SLC35A3: variants seen among roughly 807,000 people sequenced by gnomAD.
The protein encoded by SLC35A3 is solute carrier family 35 member A3, also known as UDP-N-acetylglucosamine transporter.
A neutral mutation model predicts 39.0 loss-of-function variants in SLC35A3; 26 were observed. The observed-to-expected ratio is 0.67, with a 90% CI of 0.49 to 0.92. The LOEUF (loss-of-function observed/expected upper bound fraction) is 0.92, where lower values mean the gene tolerates loss of function less well. Ranked by LOEUF, SLC35A3 falls within the 40% of genes least tolerant of loss-of-function variation. The pLI is 0.00. For synonymous variants in SLC35A3, 135 were observed against 133.1 expected, an observed-to-expected ratio of 1.01 and a Z score of -0.10; for missense variants, 299 against 371.6, an observed-to-expected ratio of 0.80 and a Z score of 1.61.
chr1:99,986,494 A>G (rs1657750536), intron 1 of SLC35A3, among the ~76,000 whole-genome samples: 2 of 152,138 alleles, frequency 1.3e-5, no homozygotes. Context: ...TAATAACTGT[A>G]TTATTATGGG....
At chr1:100,018,274 G>C (rs911653750) in intron 7 of SLC35A3, among the ~76,000 whole-genome samples, 5 of 152,134 alleles carry the variant, frequency 3.3e-5, no homozygotes, top group Non-Finnish European at 7.4e-5. Context: ...AGAAGACCCA[G>C]GACTCTGTAG....
At chr1:100,021,134 G>A (rs562617860) in intron 7 of SLC35A3, among the ~76,000 whole-genome samples, 1 of 151,914 alleles carries the variant, frequency 6.6e-6, no homozygotes, top group East Asian at 1.9e-4. Context: ...AGGCGGAGGT[G>A]GGCAGATCAC....
chr1:99,995,229 T>C (rs1352305698), intron 2 of SLC35A3, among the ~76,000 whole-genome samples: 1 of 151,698 alleles, frequency 6.6e-6, no homozygotes, highest in Admixed American at 6.6e-5. Flanking sequence ...CTTGGCTCAC[T>C]GTAACCTCCA....
Position 100,028,964 on chromosome 1 carries a change from G to A in SLC35A3, c.*6488G>A, listed in dbSNP as rs1195809861. 1 of 152,282 alleles carries A rather than the reference G, an allele frequency of 6.6e-6. No homozygotes were observed. The highest frequency in any genetic ancestry group is 1.5e-5 in the Non-Finnish European group (1 of 68,096). 9.4% of individuals were successfully genotyped at this position (152,282 alleles called of 1,614,324 possible). On this transcript the variant is annotated 3_prime_UTR_variant, in exon 8 of 8. Coordinates refer to ENST00000533028, the MANE Select transcript of SLC35A3 (RefSeq NM_012243.3). ...GTGGTCCAAACTTGAGGCTTTCGGT[G>A]TCCTTTTCTTGTAGCGTCATGGAAG...
At chr1:99,993,461 C>A in intron 1 of SLC35A3, 76 bp from the exon 2 acceptor site, 3 of 1,239,572 alleles carry the variant, frequency 2.4e-6, no homozygotes, top group Non-Finnish European at 3.4e-6. Flanking sequence ...TCCCTTCTCC[C>A]TCTCGGTGTT....
chr1:99,994,149 C>T (rs1658251004), intron 2 of SLC35A3, among the ~76,000 whole-genome samples: 2 of 151,996 alleles, frequency 1.3e-5, no homozygotes, highest in African/African-American at 4.8e-5. Context: ...TGAGATAATT[C>T]ATGAGCCATA....
chr1:100,007,820 G>GATT (rs1166128314), intron 4 of SLC35A3: 1 of 151,168 alleles, frequency 6.6e-6, no homozygotes, highest in Admixed American at 6.6e-5. Context: ...TATTTATTAT[G>GATT]ATTATTATTA....
At chr1:100,008,801 A>G (rs925478983) in intron 4 of SLC35A3, 1 of 152,252 alleles carries the variant, frequency 6.6e-6, no homozygotes, top group Non-Finnish European at 1.5e-5. Context: ...CTTTGTACAT[A>G]TCTTTTCCAA....
rs1557844477 is a variant in SLC35A3, at chr1:100,015,367, A to G, written c.700A>G (p.Asn234Asp). ...TTATGATGGAGAACTGGTATCAAAG[A>G]ATGGATTTTTTCAGGGATATAACCG... ...YIYDGELVSKNGFFQGYNRLT... is the reference protein window; with the variant it reads ...YIYDGELVSKDGFFQGYNRLT... Residue 234 changes from asparagine (N) to aspartate (D), a missense_variant, in exon 6 of 8, where the codon AAT becomes GAT. Asn to Asp is a conservative substitution (Grantham distance 23, BLOSUM62 1). Transcript: ENST00000533028. 13 of 1,613,262 alleles carry G rather than the reference A, an allele frequency of 8.1e-6. No homozygotes were observed. The East Asian group carries it at 2.9e-4, about 36-fold the overall frequency.
At position 100,007,136 on chromosome 1, in the gene SLC35A3, A is replaced by G; in HGVS notation, c.445A>G (p.Thr149Ala). The change falls in exon 4 of 8, where the codon ACA (threonine) becomes GCA (alanine). Residue 149 changes from threonine (T) to alanine (A), a missense_variant. Transcript: ENST00000533028. ...GTGGCTGTCCCTAGTAATTTTGATG[A>G]CAGGAGTTGCTTTTGTACAGGTAAC... The part of the protein sequence containing the change: ...YQWLSLVILM[T>A]GVAFVQWPSD... The G allele has an allele frequency of 1.9e-6, 3 of 1,610,748 alleles. No homozygotes were observed. The highest frequency in any genetic ancestry group is 2.5e-6 in the Non-Finnish European group (3 of 1,178,362).
At chr1:99,993,944 A>G (rs1658238697) in intron 2 of SLC35A3, among the ~76,000 whole-genome samples, 1 of 152,126 alleles carries the variant, frequency 6.6e-6, no homozygotes, top group Non-Finnish European at 1.5e-5. Context: ...CTTCTGGTTA[A>G]TTCTGTAAAT....
In SLC35A3 at chr1:100,034,899, T is replaced by C. The variant is rs1661415289; in HGVS notation, c.*12423T>C. 6.6e-6 allele frequency: 1 copy of C among 152,196 alleles called. No homozygotes were observed. The highest frequency in any genetic ancestry group is 6.5e-5 in the Admixed American group (1 of 15,280). The allele number at this position is 152,196 out of a possible 1,614,324, so 9.4% of individuals were successfully genotyped here. A position where few individuals can be genotyped will look rare whatever the true frequency, so the allele number is the denominator to read the frequency against. ...TCTGCTTGTTTCTAAGCCTGATTCT[T>C]GGCCTTCTCATTAATTTTCAAAACT... On this transcript the variant is annotated 3_prime_UTR_variant, in exon 8 of 8. Coordinates refer to ENST00000533028, the MANE Select transcript of SLC35A3 (RefSeq NM_012243.3).
chr1:100,017,957 A>C (rs1660272314), intron 7 of SLC35A3, 142 bp downstream of exon 7: 2 of 458,360 alleles, frequency 4.4e-6, no homozygotes, highest in African/African-American at 4.1e-5. Flanking sequence ...AAAATATTTC[A>C]AATTAAATTC....
chr1:99,994,659 C>A (rs113362100), intron 2 of SLC35A3, among the ~76,000 whole-genome samples: 1,926 of 152,226 alleles, frequency 0.013, 41 homozygotes, highest in African/African-American at 0.045. Context: ...ATTGTATGGA[C>A]GTAACACATT....
intron 1 of SLC35A3, among the ~76,000 whole-genome samples, chr1:99,977,720 G>T (rs1287033292): frequency 6.6e-6 from 1 of 152,156 alleles, no homozygotes; most frequent in East Asian, 1.9e-4. Flanking sequence ...AAAGTTTGTT[G>T]TAAAGACAGA....
intron 1 of SLC35A3, among the ~76,000 whole-genome samples, chr1:99,991,689 A>G (rs1466037861): frequency 6.6e-6 from 1 of 152,208 alleles, no homozygotes; most frequent in Admixed American, 6.5e-5. Flanking sequence ...TCACTAGGAA[A>G]GCAGTCAGGT....
chr1:99,993,347 A>G (rs907760787), intron 1 of SLC35A3, among the ~76,000 whole-genome samples, 190 bp from the exon 2 acceptor site: 28 of 152,052 alleles, frequency 1.8e-4, no homozygotes, highest in African/African-American at 6.0e-4. Context: ...AATTAGCAGA[A>G]AGAATAAGGT....
chr1:100,007,157 GT>G lies in SLC35A3; in HGVS notation c.465+2del. 1 of 1,601,368 alleles carries G rather than the reference GT, an allele frequency of 6.2e-7. No homozygotes were observed. The highest frequency in any genetic ancestry group is 1.1e-5 in the South Asian group (1 of 88,018). Reference sequence around the variant, plus strand: ...GATGACAGGAGTTGCTTTTGTACAGGTAACTATTCAAGATAAGTATATATTT... The same window carrying G: ...GATGACAGGAGTTGCTTTTGTACAGGAACTATTCAAGATAAGTATATATTT... On this transcript the variant is annotated splice_donor_variant, in intron 4 of 7. Transcript: ENST00000533028. LOFTEE classifies it high-confidence loss of function.
intron 1 of SLC35A3, chr1:99,970,720 C>T: frequency 1.1e-6 from 1 of 946,388 alleles, no homozygotes; most frequent in Non-Finnish European, 1.6e-6. Flanking sequence ...GGGTGCATTG[C>T]TTTATAGTAA....
Sources: gnomAD v4.1 joint callset for allele counts (sites outside exome capture counted in the v4.1 genomes callset) on GRCh38, gnomAD v4.1.1 for gene constraint, MANE v1.5 for transcripts, NCBI Gene and HGNC (gene_info 2026-07-23, HGNC 2026-07-21) for gene names.